Variants in CCL26 observed in about 807,000 individuals in gnomAD.
CCL26 encodes the protein C-C motif chemokine ligand 26.
A neutral mutation model predicts 10.7 loss-of-function variants in CCL26; 10 were observed. The ratio of observed to expected loss-of-function variants is 0.93; its 90% CI spans 0.57 to 1.58. The LOEUF (loss-of-function observed/expected upper bound fraction) is 1.58, where lower values mean the gene tolerates loss of function less well. Ranked by LOEUF, CCL26 falls within the 40% of genes most tolerant of loss-of-function variation. The pLI, the probability that CCL26 is intolerant of heterozygous loss-of-function variation, is 0.00. For synonymous variants in CCL26, 43 were observed against 41.4 expected (o/e 1.04, Z -0.15); for missense variants, 116 against 111.0 (o/e 1.05, Z -0.20).
At position 75,771,938 on chromosome 7, in the gene CCL26, C is replaced by T; in HGVS notation, c.139G>A (p.Val47Met). 6.2e-7 allele frequency: 1 copy of T among 1,614,084 alleles called. No homozygotes were observed. Among genetic ancestry groups the T allele is most frequent in the Non-Finnish European group, 8.5e-7 (1 of 1,179,946 alleles). ...YSHKPLPWTW[V>M]RSYEFTSNSC... ...TTACTGGTGAATTCATAGCTTCGCA[C>T]CCAGGTCCAGGGAAGGGGCTTGTGG... Residue 47 changes from valine to methionine, a missense_variant, in exon 2 of 3, where the codon GTG becomes ATG. Coordinates refer to ENST00000005180, the MANE Select transcript of CCL26 (RefSeq NM_001371938.1).
chr7:75,774,306 C>T (rs185840935), upstream of CCL26, among the ~76,000 whole-genome samples: 13 of 152,030 alleles, frequency 8.6e-5, no homozygotes, highest in East Asian at 1.9e-3. Flanking sequence ...TGCGCCATCA[C>T]GCCCGGCTAA....
intron 1 of CCL26, among the ~76,000 whole-genome samples, chr7:75,777,911 T>C (rs2115663039): frequency 6.6e-6 from 1 of 150,550 alleles, no homozygotes. Context: ...CCTCTGCATG[T>C]TGCCACCATG....
upstream of CCL26, chr7:75,772,238 A>T (rs535964614): frequency 1.8e-4 from 228 of 1,248,532 alleles, no homozygotes; most frequent in African/African-American, 3.0e-3. Context: ...ATCCCCTTTT[A>T]TGAGACTGAG....
At chr7:75,778,729 C>A (rs1167709146) in intron 1 of CCL26, among the ~76,000 whole-genome samples, 1 of 151,586 alleles carries the variant, frequency 6.6e-6, no homozygotes, top group African/African-American at 2.4e-5. Context: ...CAGGCTCAAG[C>A]TATTCCCCTG....
intron 1 of CCL26, among the ~76,000 whole-genome samples, chr7:75,779,875 T>C (rs1554529197): frequency 2.6e-5 from 4 of 152,068 alleles, no homozygotes; most frequent in Non-Finnish European, 5.9e-5. Context: ...TCCACTTTCC[T>C]GGAGGGCAAG....
intron 2 of CCL26, 122 bp from the exon 3 acceptor site, chr7:75,769,911 T>C (rs1585007651): frequency 3.1e-6 from 2 of 639,984 alleles, no homozygotes; most frequent in Non-Finnish European, 5.7e-6. Flanking sequence ...CTTGTTGCTC[T>C]CTGTCCCTGT....
In CCL26 at chr7:75,769,737, C is replaced by A; in HGVS notation, c.241G>T (p.Val81Leu). 1 of 1,612,968 alleles carries A rather than the reference C, an allele frequency of 6.2e-7. No individual in the cohort carries two copies. Among genetic ancestry groups the A allele is most frequent in the South Asian group, 1.1e-5 (1 of 91,058 alleles). Reference protein sequence around the residue: ...KVCTHPRKKWVQKYISLLKTP... With the variant: ...KVCTHPRKKWLQKYISLLKTP... ...TTCAGTAAAGAAATGTATTTTTGCA[C>A]CCATTTTTTCCTTGGATGGGTACAG... The change falls in exon 3 of 3, where the codon GTG becomes TTG. Residue 81 changes from valine (V) to leucine (L), a missense_variant. Physicochemically the swap from Val to Leu is conservative, Grantham distance 32. Transcript: ENST00000005180.
At chr7:75,790,923 G>A (rs1157968468), upstream of CCL26, among the ~76,000 whole-genome samples, 3 of 149,330 alleles carry the variant, frequency 2.0e-5, no homozygotes, top group Admixed American at 6.7e-5. Flanking sequence ...CGGCCTGGGC[G>A]ATAGAGACTC....
chr7:75,777,925 G>T (rs1554528961), intron 1 of CCL26, among the ~76,000 whole-genome samples: 1 of 148,870 alleles, frequency 6.7e-6, no homozygotes, highest in African/African-American at 2.5e-5. Context: ...CACCATGTTT[G>T]TCCAGGCTGG....
chr7:75,777,861 C>A (rs1802977237), intron 1 of CCL26, among the ~76,000 whole-genome samples: 1 of 150,874 alleles, frequency 6.6e-6, no homozygotes, highest in Non-Finnish European at 1.5e-5. Flanking sequence ...ACTCTGTTGC[C>A]CAGGCTGGAG....
At chr7:75,790,901 G>A (rs543684007), upstream of CCL26, among the ~76,000 whole-genome samples, 10 of 149,758 alleles carry the variant, frequency 6.7e-5, no homozygotes, top group East Asian at 2.0e-4. Context: ...CCAAGATTAC[G>A]CCACTGCACT....
chr7:75,778,676 G>C (rs564173039), intron 1 of CCL26, among the ~76,000 whole-genome samples: 14 of 150,482 alleles, frequency 9.3e-5, no homozygotes, highest in Non-Finnish European at 1.9e-4. Context: ...GCCCAGGCTG[G>C]AATGCAGTGG....
At chr7:75,790,154 T>TCTCC (rs1554530591), upstream of CCL26, among the ~76,000 whole-genome samples, 1 of 93,954 alleles carries the variant, frequency 1.1e-5, no homozygotes, top group African/African-American at 4.2e-5. Context: ...TTTCTGTCTC[T>TCTCC]CTCCCTTCCT....
intron 1 of CCL26, among the ~76,000 whole-genome samples, chr7:75,784,997 C>G (rs1554529828): frequency 2.0e-5 from 3 of 152,138 alleles, no homozygotes; most frequent in Non-Finnish European, 4.4e-5. Context: ...CATAAAAGCT[C>G]TCCTTACAAT....
At chr7:75,771,113 C>T (rs539893979) in intron 2 of CCL26, among the ~76,000 whole-genome samples, 2 of 148,918 alleles carry the variant, frequency 1.3e-5, no homozygotes, top group African/African-American at 5.0e-5. Context: ...GGGATGAAGT[C>T]TCTCTGTGTT....
chr7:75,774,245 G>A (rs1382308887), upstream of CCL26, among the ~76,000 whole-genome samples: 2 of 152,190 alleles, frequency 1.3e-5, no homozygotes, highest in Admixed American at 1.3e-4. Context: ...TGCCTCCCAG[G>A]CTCAAGCAAT....
upstream of CCL26, among the ~76,000 whole-genome samples, chr7:75,775,712 CA>C (rs1802922177): frequency 6.6e-6 from 1 of 152,146 alleles, no homozygotes; most frequent in African/African-American, 2.4e-5. Context: ...GAAGAGTCCC[CA>C]GGAAGTGGCC....
intron 1 of CCL26, among the ~76,000 whole-genome samples, chr7:75,780,511 G>A (rs1388164897): frequency 2.6e-5 from 4 of 152,016 alleles, no homozygotes; most frequent in African/African-American, 7.2e-5. Flanking sequence ...ATACAAACTC[G>A]ACAGTTGTTC....
Position 75,772,207 on chromosome 7 carries a change from C to A in CCL26, c.-31G>T. Reference sequence around the variant, plus strand: ...TGCAAATCAGGCCCTTCTCAGGTTTCTCCCAAACTCCTCCTGCCTGATCCC... The same window carrying A: ...TGCAAATCAGGCCCTTCTCAGGTTTATCCCAAACTCCTCCTGCCTGATCCC... On this transcript the variant is annotated 5_prime_UTR_variant, in exon 1 of 3. Coordinates refer to ENST00000005180, the MANE Select transcript of CCL26 (RefSeq NM_001371938.1). 1 of 1,488,312 alleles carries A rather than the reference C, an allele frequency of 6.7e-7. No individual in the cohort carries two copies. Among genetic ancestry groups the A allele is most frequent in the Non-Finnish European group, 9.2e-7 (1 of 1,090,952 alleles). 92.2% of individuals were successfully genotyped at this position (1,488,312 alleles called of 1,614,324 possible).
Sources: allele counts gnomAD v4.1 joint callset (sites outside exome capture counted in the v4.1 genomes callset), GRCh38; gene constraint gnomAD v4.1.1; transcripts MANE v1.5; gene names NCBI Gene and HGNC (gene_info 2026-07-23, HGNC 2026-07-21).